Variants in RNF122 observed in about 807,000 individuals in gnomAD.
The protein encoded by RNF122 is ring finger protein 122.
A neutral mutation model predicts 24.2 loss-of-function variants in RNF122; 17 were observed. The ratio of observed to expected loss-of-function variants is 0.70; its 90% CI spans 0.48 to 1.06. The LOEUF is 1.06. RNF122 is among the 50% of genes least tolerant of loss of function. The pLI is 0.00. For missense variants in RNF122, 168 were observed against 198.1 expected, an observed-to-expected ratio of 0.85 and a Z score of 0.91; for synonymous variants, 65 against 71.8, an observed-to-expected ratio of 0.91 and a Z score of 0.48.
rs199638006 is a variant in RNF122 at position 33,548,739 on chromosome 8, T to C, written c.*14A>G. On this transcript the variant is annotated 3_prime_UTR_variant, in exon 6 of 6. Coordinates refer to ENST00000256257, the MANE Select transcript of RNF122 (RefSeq NM_024787.3). Reference sequence around the variant, plus strand: ...GCAAGAGGTCTTCTCCAGGTCTCGGTGTAGCGGCAGCACTCACACCAGCTC... The same window carrying C: ...GCAAGAGGTCTTCTCCAGGTCTCGGCGTAGCGGCAGCACTCACACCAGCTC... 12 of 1,549,578 alleles carry C rather than the reference T, an allele frequency of 7.7e-6. No homozygotes were observed. Among genetic ancestry groups the C allele is most frequent in the East Asian group, 2.2e-5 (1 of 44,538 alleles).
At chr8:33,557,363 C>T (rs1375928972) in intron 2 of RNF122, among the ~76,000 whole-genome samples, 1 of 152,200 alleles carries the variant, frequency 6.6e-6, no homozygotes, top group Non-Finnish European at 1.5e-5. Context: ...AGCACGAGGG[C>T]TCATGCCTGT....
chr8:33,550,710 C>T (rs1316919448), intron 4 of RNF122, among the ~76,000 whole-genome samples: 1 of 152,040 alleles, frequency 6.6e-6, no homozygotes, highest in African/African-American at 2.4e-5. Flanking sequence ...AGGGGCTGAA[C>T]ATAGGGAAAG....
intron 2 of RNF122, among the ~76,000 whole-genome samples, chr8:33,555,165 G>T (rs1810432941): frequency 6.6e-6 from 1 of 151,530 alleles, no homozygotes; most frequent in African/African-American, 2.4e-5. Flanking sequence ...AGCATCATGT[G>T]GTTACTGTTC....
intron 1 of RNF122, among the ~76,000 whole-genome samples, chr8:33,560,336 T>C (rs1234443257): frequency 1.3e-5 from 2 of 152,188 alleles, no homozygotes; most frequent in Non-Finnish European, 2.9e-5. Flanking sequence ...AACCAGGTTC[T>C]GAGCAAAGAA....
chr8:33,566,814 C>T lies in RNF122; in HGVS notation c.-91G>A, dbSNP rs933803362. 6.9e-6 allele frequency: 10 copies of T among 1,442,626 alleles called. No homozygotes were observed. The highest frequency in any genetic ancestry group is 2.8e-5 in the African/African-American group (2 of 71,240). 89.4% of individuals were successfully genotyped at this position (1,442,626 alleles called of 1,614,324 possible). A position where few individuals can be genotyped will look rare whatever the true frequency, so the allele number is the denominator to read the frequency against. ...GGAGCACTAGCGGCGTGAGGGGCCG[C>T]AGGCGGGGTCGGGGCAGCGCGCTGC... On this transcript the variant is annotated 5_prime_UTR_variant, in exon 1 of 6. Transcript: ENST00000256257.
chr8:33,564,318 T>C (rs1810588945), intron 1 of RNF122, among the ~76,000 whole-genome samples: 1 of 152,066 alleles, frequency 6.6e-6, no homozygotes, highest in Admixed American at 6.6e-5. Flanking sequence ...GAGTCCGTGG[T>C]GGGAGGACTG....
In RNF122 at chr8:33,567,072, A is replaced by G; in HGVS notation, c.-349T>C. On this transcript the variant is annotated 5_prime_UTR_variant, in exon 1 of 6. Coordinates refer to ENST00000256257, the MANE Select transcript of RNF122 (RefSeq NM_024787.3). ...GGGAGGAGGGAAAAACCTTTGCCGG[A>G]GGCTCGGATCGGGTTCAGCGGCGCA... The G allele has an allele frequency of 2.8e-6, 1 of 358,606 alleles. No homozygotes were observed. Among genetic ancestry groups the G allele is most frequent in the South Asian group, 2.4e-5 (1 of 41,016 alleles). 22.2% of individuals were successfully genotyped at this position (358,606 alleles called of 1,614,324 possible).
rs1810632470 is a variant in RNF122, at chr8:33,566,761, G to T, written c.-38C>A. On this transcript the variant is annotated 5_prime_UTR_variant, in exon 1 of 6. Transcript: ENST00000256257. Reference sequence around the variant, plus strand: ...GGTTGGCTTCCTCGGGCGAACGGACGCAGGCGGGGTGCCAGGAGGGCGGGG... The same window carrying T: ...GGTTGGCTTCCTCGGGCGAACGGACTCAGGCGGGGTGCCAGGAGGGCGGGG... The T allele has an allele frequency of 3.8e-6, 6 of 1,594,238 alleles. No individual in the cohort carries two copies. In the East Asian group the frequency reaches 1.4e-4, roughly 36 times the overall value.
In RNF122 at chr8:33,566,882, G is replaced by A. The variant is rs1810635131; in HGVS notation, c.-159C>T. On this transcript the variant is annotated 5_prime_UTR_variant, in exon 1 of 6. Transcript: ENST00000256257. ...AGCCGAACTCCCTCCGGAGTGGGGG[G>A]CTTTGACGAGGCTGGTGTTCAGCCC... The A allele has an allele frequency of 1.3e-5, 10 of 744,040 alleles. No individual in the cohort carries two copies. In the East Asian group the frequency reaches 1.4e-4, roughly 10 times the overall value. 46.1% of individuals were successfully genotyped at this position (744,040 alleles called of 1,614,324 possible). A position where few individuals can be genotyped will look rare whatever the true frequency, so the allele number is the denominator to read the frequency against.
At chr8:33,560,250 A>G (rs1810520043) in intron 1 of RNF122, among the ~76,000 whole-genome samples, 1 of 152,144 alleles carries the variant, frequency 6.6e-6, no homozygotes. Context: ...AGGGATAAAT[A>G]CTGACTGGCC....
Position 33,548,723 on chromosome 8 carries a change from C to A in RNF122, c.*30G>T. The A allele has an allele frequency of 7.0e-7, 1 of 1,420,948 alleles. No homozygotes were observed. The highest frequency in any genetic ancestry group is 1.0e-6 in the Non-Finnish European group (1 of 1,004,056). The allele number at this position is 1,420,948 out of a possible 1,614,324, so 88.0% of individuals were successfully genotyped here. The stretch of plus-strand genomic sequence containing the variant: ...ACCAGACATCCATGAGGCAAGAGGT[C>A]TTCTCCAGGTCTCGGTGTAGCGGCA... On this transcript the variant is annotated 3_prime_UTR_variant, in exon 6 of 6. Transcript: ENST00000256257.
At chr8:33,552,209 C>G (rs552231669) in intron 2 of RNF122, among the ~76,000 whole-genome samples, 1 of 151,936 alleles carries the variant, frequency 6.6e-6, no homozygotes, top group South Asian at 2.1e-4. Flanking sequence ...CAAGACCAGC[C>G]TGGCCAACAT....
chr8:33,566,354 C>T (rs916558716), intron 1 of RNF122, among the ~76,000 whole-genome samples: 1 of 152,206 alleles, frequency 6.6e-6, no homozygotes, highest in African/African-American at 2.4e-5. Flanking sequence ...GGATTTAATT[C>T]TCCTCCAACA....
intron 1 of RNF122, among the ~76,000 whole-genome samples, chr8:33,564,681 T>C (rs1480767463): frequency 6.6e-6 from 1 of 152,160 alleles, no homozygotes; most frequent in African/African-American, 2.4e-5. Context: ...AAGACCAGTC[T>C]GAACAACATG....
chr8:33,555,043 G>GA (rs988261814), intron 2 of RNF122, among the ~76,000 whole-genome samples: 14 of 152,176 alleles, frequency 9.2e-5, no homozygotes, highest in Non-Finnish European at 2.1e-4. Context: ...CTGAGACTGT[G>GA]AAACTCCAGG....
Position 33,548,880 on chromosome 8 carries a change from G to A in RNF122, c.354-13C>T, listed in dbSNP as rs1334871848. The A allele has an allele frequency of 6.3e-7, 1 of 1,575,492 alleles. No homozygotes were observed. The highest frequency in any genetic ancestry group is 8.7e-7 in the Non-Finnish European group (1 of 1,144,898). ...TTTCACCAGACACCTGAGAACAAAT[G>A]AGGAATGGTAATCTCTAACCAGACA... On this transcript the variant is annotated splice_polypyrimidine_tract_variant and intron_variant, in intron 5 of 5. Transcript: ENST00000256257.
Position 33,548,003 on chromosome 8 carries a change from A to G in RNF122, c.*750T>C, listed in dbSNP as rs1810311818. ...ATCAAAAAAAAAAAAAAAAAAAAAA[A>G]AAAGGCCCCTGGGAATCAATTTAAG... On this transcript the variant is annotated 3_prime_UTR_variant, in exon 6 of 6. Transcript: ENST00000256257. 2.0e-5 allele frequency: 3 copies of G among 149,778 alleles called. No individual in the cohort carries two copies. Among genetic ancestry groups the G allele is most frequent in the African/African-American group, 7.3e-5 (3 of 41,060 alleles). 9.3% of individuals were successfully genotyped at this position (149,778 alleles called of 1,614,324 possible). A position where few individuals can be genotyped will look rare whatever the true frequency, so the allele number is the denominator to read the frequency against.
rs911020040 is a variant in RNF122, at chr8:33,566,984, G to A, written c.-261C>T. On this transcript the variant is annotated 5_prime_UTR_variant, in exon 1 of 6. Coordinates refer to ENST00000256257, the MANE Select transcript of RNF122 (RefSeq NM_024787.3). ...ACGGAGCGCACGCGCCAAGGGCCCC[G>A]GGCTGGGGGAATGTGGGGCGCCGCG... 1 of 501,048 alleles carries A rather than the reference G, an allele frequency of 2.0e-6. No homozygotes were observed. The highest frequency in any genetic ancestry group is 3.8e-5 in the East Asian group (1 of 26,440). The allele number at this position is 501,048 out of a possible 1,614,324, so 31.0% of individuals were successfully genotyped here.
At chr8:33,549,641 G>A in intron 4 of RNF122, 149 bp from the exon 5 acceptor site, 2 of 613,046 alleles carry the variant, frequency 3.3e-6, no homozygotes, top group Non-Finnish European at 5.9e-6. Context: ...TTGATGGCAT[G>A]GTAGTCATTA....
Sources: allele counts gnomAD v4.1 joint callset (sites outside exome capture counted in the v4.1 genomes callset), GRCh38; gene constraint gnomAD v4.1.1; transcripts MANE v1.5; gene names NCBI Gene and HGNC (gene_info 2026-07-23, HGNC 2026-07-21).